The following STAT5B variants were observed in gnomAD, a reference collection of about 807,000 sequenced individuals.
STAT5B encodes the protein signal transducer and activator of transcription 5B.
In STAT5B, 21 loss-of-function variants were observed where a neutral mutation model predicts 107.8. The ratio of observed to expected loss-of-function variants is 0.19; its 90% confidence interval spans 0.14 to 0.28. The LOEUF (loss-of-function observed/expected upper bound fraction) is 0.28, where lower values mean the gene tolerates loss of function less well. Among genes scored for constraint, STAT5B ranks in the 10% least tolerant of loss-of-function variants. STAT5B has a pLI of 1.00. For synonymous variants in STAT5B, 325 were observed against 401.7 expected (o/e 0.81, Z 2.28); for missense variants, 565 against 1,008.2 (o/e 0.56, Z 5.95).
chr17:42,231,531 A>G (rs2080317558), intron 2 of STAT5B, among the ~76,000 whole-genome samples: 1 of 152,112 alleles, frequency 6.6e-6, no homozygotes, highest in South Asian at 2.1e-4. Flanking sequence ...GTACAGAGAC[A>G]GGGTTTTGCT....
intron 1 of STAT5B, among the ~76,000 whole-genome samples, chr17:42,257,244 A>G (rs893696646): frequency 6.6e-6 from 1 of 152,196 alleles, no homozygotes; most frequent in African/African-American, 2.4e-5. Context: ...TTTTGTTTTT[A>G]TTCTTCTTCT....
intron 1 of STAT5B, among the ~76,000 whole-genome samples, chr17:42,237,005 G>C (rs560566368): frequency 6.6e-6 from 1 of 152,126 alleles, no homozygotes; most frequent in Non-Finnish European, 1.5e-5. Flanking sequence ...ATCATCACAG[G>C]GGATTCTCTA....
intron 12 of STAT5B, among the ~76,000 whole-genome samples, chr17:42,215,488 T>C (rs2080163536): frequency 6.6e-6 from 1 of 152,218 alleles, no homozygotes. Flanking sequence ...GAACTGCCCA[T>C]GTGGTCATGG....
intron 1 of STAT5B, among the ~76,000 whole-genome samples, chr17:42,245,265 AC>A (rs1486114970): frequency 3.3e-5 from 5 of 151,310 alleles, no homozygotes; most frequent in Non-Finnish European, 7.4e-5. Context: ...TTTAGTAGAG[AC>A]AGGGTTTCAC....
intron 15 of STAT5B, among the ~76,000 whole-genome samples, 184 bp downstream of exon 15, chr17:42,209,987 T>C (rs1276761520): frequency 2.0e-5 from 3 of 152,184 alleles, no homozygotes; most frequent in East Asian, 1.9e-4. Context: ...AAATTAGCAA[T>C]TGTGTTTCCC....
chr17:42,216,163 C>T lies in STAT5B; in HGVS notation c.1381-57G>A. On this transcript the variant is annotated intron_variant, in intron 11 of 18. Coordinates refer to ENST00000293328, the MANE Select transcript of STAT5B (RefSeq NM_012448.4). ...ACGAGCCTCAAGTTCTTCTCCTTCTCTCTTTTTTTTTTTTCTTATTATAAC... is the reference window on the plus strand; with the variant it reads ...ACGAGCCTCAAGTTCTTCTCCTTCTTTCTTTTTTTTTTTTCTTATTATAAC... 2.1e-6 allele frequency: 3 copies of T among 1,429,804 alleles called. No individual in the cohort carries two copies. The South Asian group carries it at 3.9e-5, about 19-fold the overall frequency. The allele number at this position is 1,429,804 out of a possible 1,614,324, so 88.6% of individuals were successfully genotyped here.
intron 1 of STAT5B, chr17:42,275,677 T>C (rs1176461851): frequency 2.0e-5 from 3 of 152,148 alleles, no homozygotes; most frequent in Non-Finnish European, 4.4e-5. Context: ...CGGGTCCTGA[T>C]GTGGGATCCC....
intron 5 of STAT5B, among the ~76,000 whole-genome samples, chr17:42,221,533 G>A (rs940432516): frequency 6.6e-6 from 1 of 152,142 alleles, no homozygotes; most frequent in Non-Finnish European, 1.5e-5. Flanking sequence ...AACCTAATCC[G>A]CCACCATGCA....
At chr17:42,287,114 C>T in the STAT5B span, among the ~76,000 whole-genome samples, 1 of 152,140 alleles carries the variant, frequency 6.6e-6, no homozygotes, top group Non-Finnish European at 1.5e-5. Flanking sequence ...TTCCTTTCCT[C>T]GTGATCCTGC....
At chr17:42,227,393 AG>A in intron 3 of STAT5B, 135 bp downstream of exon 3, 84 of 1,225,178 alleles carry the variant, frequency 6.9e-5, no homozygotes, top group Admixed American at 3.4e-4. Flanking sequence ...AAAAAAAAAA[AG>A]ACCAAAACCA....
In STAT5B at chr17:42,232,069, G is replaced by A. The variant is rs935891734; in HGVS notation, c.59C>T (p.Ala20Val). The change falls in exon 2 of 19, where the codon GCG becomes GTG. Residue 20 changes from alanine (A) to valine (V), a missense_variant. Ala to Val is a moderately conservative substitution (Grantham distance 64). Coordinates refer to ENST00000293328, the MANE Select transcript of STAT5B (RefSeq NM_012448.4). ...LQGEALHQMQ[A>V]LYGQHFPIEV... ...AATGGGAAAATGCTGGCCATATAAC[G>A]CTTGCATCTGATGAAGGGCTTCTCC... 5.0e-6 allele frequency: 8 copies of A among 1,613,600 alleles called. No individual in the cohort carries two copies. Among genetic ancestry groups the A allele is most frequent in the Non-Finnish European group, 5.9e-6 (7 of 1,179,920 alleles).
At chr17:42,202,173 A>C in intron 18 of STAT5B, 167 bp downstream of exon 18, 1 of 773,952 alleles carries the variant, frequency 1.3e-6, no homozygotes, top group Non-Finnish European at 2.1e-6. Context: ...ACCACCAATC[A>C]CTTCTGGTCA....
At chr17:42,262,796 A>G (rs531169102) in intron 1 of STAT5B, among the ~76,000 whole-genome samples, 9 of 109,768 alleles carry the variant, frequency 8.2e-5, no homozygotes, top group South Asian at 3.1e-4. Flanking sequence ...ACACATATAT[A>G]TGTGTGTATA....
At chr17:42,214,808 G>A (rs1296792858) in intron 12 of STAT5B, among the ~76,000 whole-genome samples, 5 of 152,160 alleles carry the variant, frequency 3.3e-5, no homozygotes, top group African/African-American at 7.2e-5. Flanking sequence ...GGAGTACAGT[G>A]GCACAATCTT....
At position 42,202,437 on chromosome 17, in the gene STAT5B, C is replaced by A; in HGVS notation, c.2140G>T (p.Ala714Ser). Residue 714 changes from alanine to serine, a missense_variant, in exon 18 of 19, where the codon GCA becomes TCA. Transcript: ENST00000293328. ...IKQVVPEFVN[A>S]SADAGGGSAT... Reference sequence around the variant, plus strand: ...CTGCCGCCCCCGGCATCTGCAGATGCGTTCACAAACCTGCAGAAGGAAGAG... The same window carrying A: ...CTGCCGCCCCCGGCATCTGCAGATGAGTTCACAAACCTGCAGAAGGAAGAG... 2 of 1,614,150 alleles carry A rather than the reference C, an allele frequency of 1.2e-6. No homozygotes were observed. Among genetic ancestry groups the A allele is most frequent in the South Asian group, 2.2e-5 (2 of 91,086 alleles).
chr17:42,267,381 T>C (rs965959482), intron 1 of STAT5B, among the ~76,000 whole-genome samples: 2 of 152,088 alleles, frequency 1.3e-5, no homozygotes, highest in Admixed American at 6.5e-5. Flanking sequence ...TTACTGCCCC[T>C]GAAGACCTTT....
At position 42,247,988 on chromosome 17, in the gene STAT5B, T is replaced by A. The variant is rs182919908; in HGVS notation, c.-10-15851A>T. On this transcript the variant is annotated intron_variant, in intron 1 of 18. Transcript: ENST00000293328. Reference sequence around the variant, plus strand: ...AAAATGTATGAGAAAAAGAAGAAGATAATTCTGGGCCAGGCACAGTGGCTC... The same window carrying A: ...AAAATGTATGAGAAAAAGAAGAAGAAAATTCTGGGCCAGGCACAGTGGCTC... 5.5e-3 allele frequency among the ~76,000 whole-genome samples: 836 copies of A among 150,780 alleles called. 8 individuals carry two copies. The highest frequency in any genetic ancestry group is 0.014 in the South Asian group (65 of 4,778).
rs1021228558 is a variant in STAT5B, at chr17:42,216,080, G to A, written c.1407C>T (p.Ile469=). 9 of 1,613,586 alleles carry A rather than the reference G, an allele frequency of 5.6e-6. No individual in the cohort carries two copies. The highest frequency in any genetic ancestry group is 2.2e-5 in the East Asian group (1 of 44,882). Reference sequence around the variant, plus strand: ...CATTGTTGTCCTGGCTGCCATGAACGATCACCACCACTGGCAGGGACAGGG... The same window carrying A: ...CATTGTTGTCCTGGCTGCCATGAACAATCACCACCACTGGCAGGGACAGGG... The part of the protein sequence containing the change: ...VKTLSLPVVV[I]VHGSQDNNAT... Residue 469 remains isoleucine (I), a synonymous_variant, in exon 12 of 19, where the codon ATC becomes ATT. Coordinates refer to ENST00000293328, the MANE Select transcript of STAT5B (RefSeq NM_012448.4).
intron 3 of STAT5B, among the ~76,000 whole-genome samples, chr17:42,226,343 A>G (rs1455270798): frequency 6.6e-6 from 1 of 152,184 alleles, no homozygotes; most frequent in Non-Finnish European, 1.5e-5. Context: ...GCAATATGTG[A>G]TCTTGGGCTG....
Sources: gnomAD v4.1 joint callset for allele counts (sites outside exome capture counted in the v4.1 genomes callset) on GRCh38, gnomAD v4.1.1 for gene constraint, MANE v1.5 for transcripts, NCBI Gene and HGNC (gene_info 2026-07-23, HGNC 2026-07-21) for gene names.